The following CEP83 variants were observed in gnomAD, a reference collection of about 807,000 sequenced individuals.
The protein encoded by CEP83 is centrosomal protein of 83 kDa.
In CEP83, 70 loss-of-function variants were observed where a neutral mutation model predicts 101.9. The observed-to-expected ratio is 0.69, with a 90% confidence interval of 0.57 to 0.84. CEP83 has a LOEUF of 0.84. Ranked by LOEUF, CEP83 falls within the 40% of genes least tolerant of loss-of-function variation. CEP83 has a pLI of 0.00. For synonymous variants in CEP83, 264 were observed against 267.9 expected, an observed-to-expected ratio of 0.99 and a Z score of 0.14; for missense variants, 715 against 787.2, an observed-to-expected ratio of 0.91 and a Z score of 1.10.
intron 14 of CEP83, among the ~76,000 whole-genome samples, chr12:94,330,652 C>T (rs1183142384): frequency 6.6e-6 from 1 of 152,088 alleles, no homozygotes; most frequent in Non-Finnish European, 1.5e-5. Context: ...TCTTGTATTT[C>T]TGAATTGGAA....
chr12:94,428,056 A>T (rs1348727206), intron 2 of CEP83, among the ~76,000 whole-genome samples: 1 of 152,256 alleles, frequency 6.6e-6, no homozygotes, highest in East Asian at 1.9e-4. Flanking sequence ...TCAAGTGGTT[A>T]GCAATCAACC....
intron 2 of CEP83, among the ~76,000 whole-genome samples, chr12:94,434,778 C>T (rs1391822481): frequency 6.6e-6 from 1 of 152,196 alleles, no homozygotes; most frequent in East Asian, 1.9e-4. Context: ...CTTATACATA[C>T]ACATAGCCTG....
At chr12:94,437,893 G>A (rs1202941315) in intron 1 of CEP83, among the ~76,000 whole-genome samples, 1 of 152,170 alleles carries the variant, frequency 6.6e-6, no homozygotes, top group Non-Finnish European at 1.5e-5. Flanking sequence ...CAATACTGAT[G>A]TTGAATGTAA....
At chr12:94,269,548 C>T in the CEP83 span, among the ~76,000 whole-genome samples, 121 of 152,304 alleles carry the variant, frequency 7.9e-4, no homozygotes, top group East Asian at 0.021. Context: ...GCTTCTGTTC[C>T]ATTTAGTTTG....
chr12:94,307,060 G>A (rs1354688476), downstream of CEP83: 1 of 152,156 alleles, frequency 6.6e-6, no homozygotes, highest in Non-Finnish European at 1.5e-5. Context: ...TACTACTTTA[G>A]GGTACTGAAA....
chr12:94,268,297 G>A, the CEP83 span, among the ~76,000 whole-genome samples: 1 of 152,166 alleles, frequency 6.6e-6, no homozygotes, highest in Non-Finnish European at 1.5e-5. Context: ...CTAACAAAGA[G>A]GCCCTGGGAA....
intron 2 of CEP83, among the ~76,000 whole-genome samples, chr12:94,415,594 A>G (rs1179030151): frequency 6.6e-6 from 1 of 152,126 alleles, no homozygotes; most frequent in Non-Finnish European, 1.5e-5. Context: ...AACCCCCACT[A>G]TTTAAAATGG....
At chr12:94,454,819 ACACT>A (rs1566260337) in intron 1 of CEP83, among the ~76,000 whole-genome samples, 1 of 149,480 alleles carries the variant, frequency 6.7e-6, no homozygotes, top group African/African-American at 2.5e-5. Flanking sequence ...AAGAGCTGTA[ACACT>A]CACTGCGAAA....
intron 1 of CEP83, among the ~76,000 whole-genome samples, chr12:94,452,829 C>T (rs2067359270): frequency 6.6e-6 from 1 of 152,082 alleles, no homozygotes; most frequent in Non-Finnish European, 1.5e-5. Context: ...AAGTTTACAG[C>T]TTACCTTATT....
At chr12:94,427,593 T>G (rs545001325) in intron 2 of CEP83, among the ~76,000 whole-genome samples, 77 of 152,346 alleles carry the variant, frequency 5.1e-4, no homozygotes, top group Non-Finnish European at 9.1e-4. Context: ...CAAAGTATGG[T>G]AATTCAAAAT....
intron 2 of CEP83, among the ~76,000 whole-genome samples, chr12:94,415,171 A>G (rs1302951312): frequency 6.6e-6 from 1 of 152,106 alleles, no homozygotes; most frequent in Non-Finnish European, 1.5e-5. Context: ...ACAAAAAACT[A>G]TGAGAATGTA....
chr12:94,305,170 A>G, downstream of CEP83: 1 of 1,556,632 alleles, frequency 6.4e-7, no homozygotes, highest in Non-Finnish European at 8.8e-7. Flanking sequence ...AACTGTTCTA[A>G]TTGTCAACAG....
At chr12:94,410,593 T>C (rs1050577669) in intron 4 of CEP83, among the ~76,000 whole-genome samples, 1 of 152,202 alleles carries the variant, frequency 6.6e-6, no homozygotes, top group African/African-American at 2.4e-5. Flanking sequence ...GTCACTCTCA[T>C]GAAACAGAAT....
downstream of CEP83, chr12:94,303,767 T>C (rs371552811): frequency 2.4e-6 from 3 of 1,224,650 alleles, no homozygotes; most frequent in East Asian, 6.9e-5. Flanking sequence ...AAGCACCAAC[T>C]AATAAGCTTC....
the CEP83 span, among the ~76,000 whole-genome samples, chr12:94,295,990 G>A: frequency 5.3e-5 from 8 of 152,240 alleles, no homozygotes; most frequent in Non-Finnish European, 1.0e-4. Context: ...CTTGATGCTT[G>A]TAGGCTGACC....
the CEP83 span, among the ~76,000 whole-genome samples, chr12:94,283,832 C>T: frequency 2.0e-5 from 3 of 152,262 alleles, no homozygotes; most frequent in Admixed American, 2.0e-4. Flanking sequence ...GCCTGTAATC[C>T]CAGCACTTCG....
intron 11 of CEP83, among the ~76,000 whole-genome samples, chr12:94,349,554 T>G (rs1176830329): frequency 6.6e-6 from 1 of 152,100 alleles, no homozygotes; most frequent in Non-Finnish European, 1.5e-5. Context: ...GAAAAAGCAT[T>G]TGACAAAATT....
chr12:94,383,474 C>G (rs2061963789), intron 6 of CEP83, among the ~76,000 whole-genome samples: 1 of 151,864 alleles, frequency 6.6e-6, no homozygotes, highest in African/African-American at 2.4e-5. Flanking sequence ...TAAGGAGCAC[C>G]CTGACTTACA....
intron 11 of CEP83, among the ~76,000 whole-genome samples, chr12:94,337,793 A>G (rs1039208753): frequency 2.0e-5 from 3 of 152,206 alleles, no homozygotes; most frequent in African/African-American, 7.2e-5. Context: ...TAGAGGAAGT[A>G]GAGAGATGGG....
Sources: allele counts gnomAD v4.1 joint callset (sites outside exome capture counted in the v4.1 genomes callset), GRCh38; gene constraint gnomAD v4.1.1; transcripts MANE v1.5; gene names NCBI Gene and HGNC (gene_info 2026-07-23, HGNC 2026-07-21).